The following SIPA1L3 variants were observed in gnomAD, a reference collection of about 807,000 sequenced individuals.
The protein encoded by SIPA1L3 is signal-induced proliferation-associated 1-like protein 3.
In SIPA1L3, 59 loss-of-function variants were observed where a neutral mutation model predicts 150.1. The observed-to-expected ratio is 0.39, with a 90% CI of 0.32 to 0.49. The LOEUF (loss-of-function observed/expected upper bound fraction) is 0.49. Among genes scored for constraint, SIPA1L3 ranks in the 20% least tolerant of loss-of-function variants. The pLI, the probability that SIPA1L3 is intolerant of heterozygous loss-of-function variation, is 0.86. For synonymous variants in SIPA1L3, 1,070 were observed against 1,077.6 expected (o/e 0.99, Z 0.14); for missense variants, 2,211 against 2,489.5 (o/e 0.89, Z 2.38).
At chr19:37,966,795 G>C (rs1482685785) in intron 1 of SIPA1L3, among the ~76,000 whole-genome samples, 1 of 152,206 alleles carries the variant, frequency 6.6e-6, no homozygotes, top group African/African-American at 2.4e-5. Flanking sequence ...GCAGATGTCA[G>C]TCTGGCAGGT....
chr19:38,042,047 A>G (rs889207920), intron 2 of SIPA1L3, among the ~76,000 whole-genome samples: 1 of 152,116 alleles, frequency 6.6e-6, no homozygotes, highest in African/African-American at 2.4e-5. Flanking sequence ...GAAGCTTTTT[A>G]GTTCGATGTA....
intron 21 of SIPA1L3, among the ~76,000 whole-genome samples, chr19:38,205,559 C>T (rs549526460): frequency 6.8e-4 from 103 of 152,106 alleles, no homozygotes; most frequent in African/African-American, 2.4e-3. Flanking sequence ...CGTAAGTCTT[C>T]GAGCCGTGGA....
chr19:37,991,439 C>G (rs913244601), intron 1 of SIPA1L3, among the ~76,000 whole-genome samples: 7 of 152,192 alleles, frequency 4.6e-5, no homozygotes, highest in African/African-American at 1.7e-4. Context: ...AGCAGACATT[C>G]CCATTCCTGG....
chr19:37,989,099 G>A (rs1474447515), intron 1 of SIPA1L3, among the ~76,000 whole-genome samples: 1 of 152,206 alleles, frequency 6.6e-6, no homozygotes, highest in African/African-American at 2.4e-5. Flanking sequence ...CGTGTAGGAG[G>A]TGTTGGCTGT....
chr19:38,116,946 T>C (rs1412970443), intron 8 of SIPA1L3, among the ~76,000 whole-genome samples: 1 of 152,212 alleles, frequency 6.6e-6, no homozygotes, highest in Non-Finnish European at 1.5e-5. Flanking sequence ...TTGTGCACTT[T>C]TAGCAATAAT....
chr19:38,140,617 C>G (rs749206859), intron 10 of SIPA1L3, among the ~76,000 whole-genome samples: 60 of 152,036 alleles, frequency 3.9e-4, no homozygotes, highest in Non-Finnish European at 5.9e-4. Context: ...GGGGCGGGAA[C>G]AGAGAATTCG....
At chr19:38,196,653 G>GC (rs1972955177) in intron 18 of SIPA1L3, among the ~76,000 whole-genome samples, 1 of 151,494 alleles carries the variant, frequency 6.6e-6, no homozygotes, top group Non-Finnish European at 1.5e-5. Flanking sequence ...GAGGTCAAGG[G>GC]AAGAGCAAGG....
At chr19:38,088,626 A>C (rs1330860382) in intron 3 of SIPA1L3, 95 bp from the exon 4 acceptor site, 14 of 1,460,528 alleles carry the variant, frequency 9.6e-6, no homozygotes, top group Non-Finnish European at 1.1e-5. Context: ...ATTGCACAGG[A>C]CCCTGCCTGG....
At chr19:38,170,915 A>T (rs1423432241) in intron 15 of SIPA1L3, among the ~76,000 whole-genome samples, 1 of 152,138 alleles carries the variant, frequency 6.6e-6, no homozygotes, top group Non-Finnish European at 1.5e-5. Context: ...GGATGCAGTT[A>T]TACAGGTATT....
At chr19:38,156,837 G>A (rs1434960066) in intron 13 of SIPA1L3, among the ~76,000 whole-genome samples, 1 of 151,952 alleles carries the variant, frequency 6.6e-6, no homozygotes, top group Non-Finnish European at 1.5e-5. Context: ...AATAAAAAAA[G>A]AAATCATTGT....
Position 37,992,892 on chromosome 19 carries a change from C to T in SIPA1L3, c.-378-36197C>T, listed in dbSNP as rs557964169. 9.9e-5 allele frequency among the ~76,000 whole-genome samples: 15 copies of T among 152,252 alleles called. No homozygotes were observed. In the South Asian group the frequency reaches 1.9e-3, roughly 19 times the overall value. On this transcript the variant is annotated intron_variant, in intron 1 of 21. Transcript: ENST00000222345. ...TGGGAGGCTCCATTCAGGTCGCCTA[C>T]GTGCTGGCTCTGTGGTCAGTTGTGC...
intron 9 of SIPA1L3, among the ~76,000 whole-genome samples, chr19:38,125,376 A>G (rs1260766773): frequency 3.9e-5 from 6 of 152,168 alleles, no homozygotes; most frequent in Non-Finnish European, 7.4e-5. Context: ...CGCCTCCCCT[A>G]ATCTTGACAG....
At chr19:38,022,991 C>T (rs182605580) in intron 1 of SIPA1L3, among the ~76,000 whole-genome samples, 2 of 152,330 alleles carry the variant, frequency 1.3e-5, no homozygotes, top group Admixed American at 1.3e-4. Context: ...TGAGTGTTCC[C>T]CTTACTCCAC....
At chr19:38,022,565 G>T (rs1233656826) in intron 1 of SIPA1L3, among the ~76,000 whole-genome samples, 2 of 146,256 alleles carry the variant, frequency 1.4e-5, no homozygotes, top group Non-Finnish European at 2.9e-5. Flanking sequence ...CAAAAAAATC[G>T]GGCGTGGTGG....
intron 2 of SIPA1L3, among the ~76,000 whole-genome samples, chr19:38,037,002 T>C (rs1968807712): frequency 6.6e-6 from 1 of 152,164 alleles, no homozygotes; most frequent in South Asian, 2.1e-4. Context: ...GGACTAGAAA[T>C]ACGATACTCA....
intron 8 of SIPA1L3, among the ~76,000 whole-genome samples, chr19:38,110,855 G>A (rs1251938528): frequency 6.6e-6 from 1 of 152,194 alleles, no homozygotes; most frequent in Middle Eastern, 3.4e-3. Flanking sequence ...CCCAGTTGGA[G>A]TCGTGTGCCT....
chr19:37,935,713 C>T (rs2046594654), intron 1 of SIPA1L3, among the ~76,000 whole-genome samples: 1 of 152,174 alleles, frequency 6.6e-6, no homozygotes, highest in South Asian at 2.1e-4. Context: ...TTTCATGTGG[C>T]CTGGCCAGCC....
intron 6 of SIPA1L3, among the ~76,000 whole-genome samples, chr19:38,102,592 GA>G (rs71179412): frequency 0.12 from 8,030 of 66,876 alleles, 376 homozygotes; most frequent in East Asian, 0.42. Flanking sequence ...CCCTGTCTCT[GA>G]AAAAAAAAAA....
At chr19:37,916,842 C>T (rs1410533293) in intron 1 of SIPA1L3, among the ~76,000 whole-genome samples, 1 of 151,986 alleles carries the variant, frequency 6.6e-6, no homozygotes, top group Non-Finnish European at 1.5e-5. Context: ...TGCCTGTAAT[C>T]CCAACTACTC....
Sources: gnomAD v4.1 joint callset for allele counts (sites outside exome capture counted in the v4.1 genomes callset) on GRCh38, gnomAD v4.1.1 for gene constraint, MANE v1.5 for transcripts, NCBI Gene and HGNC (gene_info 2026-07-23, HGNC 2026-07-21) for gene names.